Variants in PDGFD observed in about 807,000 individuals in gnomAD.
PDGFD encodes platelet derived growth factor D.
In PDGFD, 30 loss-of-function variants were observed where a neutral mutation model predicts 44.7. The ratio of observed to expected loss-of-function variants is 0.67; its 90% confidence interval spans 0.50 to 0.91. PDGFD has a LOEUF of 0.91. Ranked by LOEUF, PDGFD falls within the 40% of genes least tolerant of loss-of-function variation. PDGFD has a pLI of 0.00. For synonymous variants in PDGFD, 173 were observed against 168.4 expected (o/e 1.03, Z -0.21); for missense variants, 445 against 457.8 (o/e 0.97, Z 0.25).
At chr11:104,124,781 C>T (rs890377012) in intron 1 of PDGFD, among the ~76,000 whole-genome samples, 1 of 152,052 alleles carries the variant, frequency 6.6e-6, no homozygotes, top group Admixed American at 6.6e-5. Flanking sequence ...ACTCCACATG[C>T]AGGCTTCCCT....
At chr11:104,079,888 T>C (rs1432129994) in intron 1 of PDGFD, among the ~76,000 whole-genome samples, 1 of 152,062 alleles carries the variant, frequency 6.6e-6, no homozygotes, top group Non-Finnish European at 1.5e-5. Context: ...TTATGCATAC[T>C]ATAAACTTAC....
intron 1 of PDGFD, among the ~76,000 whole-genome samples, chr11:104,087,617 C>T (rs940981866): frequency 1.3e-5 from 2 of 152,120 alleles, no homozygotes; most frequent in East Asian, 1.9e-4. Context: ...TAAAGTCAAG[C>T]GAATGTCCCA....
chr11:104,106,141 G>T (rs910230468), intron 1 of PDGFD, among the ~76,000 whole-genome samples: 1 of 152,064 alleles, frequency 6.6e-6, no homozygotes, highest in Non-Finnish European at 1.5e-5. Context: ...ATTGGTAGAT[G>T]ACTTAAAAGA....
chr11:104,139,438 C>T (rs1862053075), intron 1 of PDGFD, among the ~76,000 whole-genome samples: 1 of 152,152 alleles, frequency 6.6e-6, no homozygotes, highest in Admixed American at 6.5e-5. Context: ...TACAAATTAA[C>T]TATCTGATAA....
At chr11:103,956,128 T>G (rs1010212290) in intron 3 of PDGFD, among the ~76,000 whole-genome samples, 1 of 151,404 alleles carries the variant, frequency 6.6e-6, no homozygotes, top group African/African-American at 2.4e-5. Flanking sequence ...TAGTTACATA[T>G]GTATACATGT....
At chr11:103,929,683 G>A (rs1475309115) in intron 5 of PDGFD, among the ~76,000 whole-genome samples, 1 of 152,186 alleles carries the variant, frequency 6.6e-6, no homozygotes, top group Admixed American at 6.5e-5. Context: ...AAATCACCGA[G>A]GCACTCAATT....
intron 1 of PDGFD, among the ~76,000 whole-genome samples, chr11:104,151,902 C>T (rs1410337785): frequency 6.6e-6 from 1 of 151,908 alleles, no homozygotes; most frequent in African/African-American, 2.4e-5. Flanking sequence ...GTTTGATCAT[C>T]AAGACGGAAT....
chr11:103,943,792 G>A, intron 4 of PDGFD, 142 bp from the exon 5 acceptor site: 5 of 624,672 alleles, frequency 8.0e-6, no homozygotes, highest in South Asian at 7.3e-5. Flanking sequence ...AAAACAACAT[G>A]GTATTGTCTT....
At chr11:104,119,761 T>A (rs1343859216) in intron 1 of PDGFD, among the ~76,000 whole-genome samples, 1 of 109,840 alleles carries the variant, frequency 9.1e-6, no homozygotes, top group African/African-American at 3.8e-5. Flanking sequence ...TATTTATATA[T>A]AATATATGAT....
Position 104,057,795 on chromosome 11 carries a change from A to G in PDGFD, c.125-57540T>C, listed in dbSNP as rs142966476. 5.6e-4 allele frequency among the ~76,000 whole-genome samples: 86 copies of G among 152,384 alleles called. No individual in the cohort carries two copies. The East Asian group carries it at 0.015, about 27-fold the overall frequency. ...TTATTACAAAGCTACAGTAATAAAG[A>G]TAATTTGATATTATCATAAAGATAG... On this transcript the variant is annotated intron_variant, in intron 1 of 6. Coordinates refer to ENST00000393158, the MANE Select transcript of PDGFD (RefSeq NM_025208.5).
At chr11:104,119,001 AAAT>A (rs1311076373) in intron 1 of PDGFD, among the ~76,000 whole-genome samples, 1 of 178 alleles carries the variant, frequency 5.6e-3, no homozygotes, top group African/African-American at 0.016. Flanking sequence ...TAATATAATA[AAAT>A]AATATAATAT....
chr11:103,937,237 G>A (rs1299421007), intron 5 of PDGFD, among the ~76,000 whole-genome samples: 1 of 152,010 alleles, frequency 6.6e-6, no homozygotes, highest in African/African-American at 2.4e-5. Context: ...TATTAATTTG[G>A]AACACCCCAA....
intron 1 of PDGFD, among the ~76,000 whole-genome samples, chr11:104,063,831 C>A (rs1389355689): frequency 6.6e-6 from 1 of 152,108 alleles, no homozygotes; most frequent in Admixed American, 6.5e-5. Flanking sequence ...CCATCAGGTA[C>A]CTCCCCTGAC....
chr11:104,031,428 A>C (rs1412606547), intron 1 of PDGFD, among the ~76,000 whole-genome samples: 1 of 152,260 alleles, frequency 6.6e-6, no homozygotes, highest in African/African-American at 2.4e-5. Flanking sequence ...AATGCAACAC[A>C]AAACCATAAT....
chr11:104,049,442 C>CT (rs1860492562), intron 1 of PDGFD, among the ~76,000 whole-genome samples: 1 of 152,048 alleles, frequency 6.6e-6, no homozygotes, highest in Non-Finnish European at 1.5e-5. Context: ...TTACGTAAGG[C>CT]TTTGTAGTTC....
At chr11:104,007,394 G>T (rs1357462014) in intron 1 of PDGFD, among the ~76,000 whole-genome samples, 1 of 152,110 alleles carries the variant, frequency 6.6e-6, no homozygotes, top group Non-Finnish European at 1.5e-5. Flanking sequence ...ATATAATAAT[G>T]CTTAAGGAGA....
intron 1 of PDGFD, among the ~76,000 whole-genome samples, chr11:104,030,006 C>T (rs1205306455): frequency 1.3e-5 from 2 of 152,134 alleles, no homozygotes; most frequent in Non-Finnish European, 2.9e-5. Flanking sequence ...AAATTCCACA[C>T]CTGACCTCAC....
intron 1 of PDGFD, among the ~76,000 whole-genome samples, chr11:104,012,592 C>T (rs1362021546): frequency 6.6e-6 from 1 of 152,172 alleles, no homozygotes; most frequent in Non-Finnish European, 1.5e-5. Context: ...CTTCAAATAT[C>T]TTTGTGTAGA....
intron 3 of PDGFD, among the ~76,000 whole-genome samples, chr11:103,949,503 A>G (rs1249285625): frequency 6.6e-6 from 1 of 152,238 alleles, no homozygotes; most frequent in African/African-American, 2.4e-5. Context: ...CCAGAGAGCC[A>G]GTGGCTTCTC....
Sources: gnomAD v4.1 joint callset for allele counts (sites outside exome capture counted in the v4.1 genomes callset) on GRCh38, gnomAD v4.1.1 for gene constraint, MANE v1.5 for transcripts, NCBI Gene and HGNC (gene_info 2026-07-23, HGNC 2026-07-21) for gene names.